GRM1: variants seen among roughly 807,000 people sequenced by gnomAD.
GRM1 encodes the protein glutamate metabotropic receptor 1.
GRM1 carries 33 observed loss-of-function variants against 90.9 expected under a neutral mutation model. The observed-to-expected ratio is 0.36, with a 90% CI of 0.28 to 0.49. GRM1 has a LOEUF of 0.49. GRM1 is among the 20% of genes least tolerant of loss of function. The pLI is 0.99. For synonymous variants in GRM1, 700 were observed against 613.2 expected (o/e 1.14, Z -2.09); for missense variants, 1,190 against 1,534.3 (o/e 0.78, Z 3.75).
intron 7 of GRM1, among the ~76,000 whole-genome samples, chr6:146,423,464 T>TA (rs1174288204): frequency 1.0e-4 from 11 of 109,058 alleles, no homozygotes; most frequent in African/African-American, 3.8e-4. Flanking sequence ...GGAGATGCTC[T>TA]ATTTTTTTTT....
At chr6:146,063,269 A>G (rs149003134) in intron 1 of GRM1, among the ~76,000 whole-genome samples, 85 of 152,342 alleles carry the variant, frequency 5.6e-4, no homozygotes, top group African/African-American at 1.9e-3. Flanking sequence ...ATTCAAGTTA[A>G]CGGGAAAATT....
chr6:146,386,855 C>T, intron 5 of GRM1, 35 bp from the exon 6 acceptor site: 1 of 1,570,450 alleles, frequency 6.4e-7, no homozygotes, highest in Non-Finnish European at 8.8e-7. Context: ...TCTGGGAAAA[C>T]TATCTTTAAA....
chr6:146,371,402 T>C (rs1444340311), intron 5 of GRM1, among the ~76,000 whole-genome samples: 2 of 152,112 alleles, frequency 1.3e-5, no homozygotes, highest in Non-Finnish European at 2.9e-5. Flanking sequence ...AGGCATACAA[T>C]GTACAATGAG....
chr6:146,343,212 C>A (rs1239557595), intron 3 of GRM1, among the ~76,000 whole-genome samples: 1 of 152,076 alleles, frequency 6.6e-6, no homozygotes, highest in Non-Finnish European at 1.5e-5. Flanking sequence ...AAAGAAAAAG[C>A]GACATTCTCA....
At chr6:146,047,658 C>T (rs1177420873) in intron 1 of GRM1, among the ~76,000 whole-genome samples, 1 of 151,790 alleles carries the variant, frequency 6.6e-6, no homozygotes, top group Admixed American at 6.6e-5. Context: ...GCTGCTGTCC[C>T]CTCTAGCATC....
intron 2 of GRM1, among the ~76,000 whole-genome samples, chr6:146,234,857 C>G (rs1278685854): frequency 6.6e-6 from 1 of 152,108 alleles, no homozygotes; most frequent in East Asian, 1.9e-4. Context: ...ATTCTCATGC[C>G]TCAGCCTCCC....
chr6:146,335,664 C>A (rs1784748212), intron 3 of GRM1, among the ~76,000 whole-genome samples: 1 of 152,042 alleles, frequency 6.6e-6, no homozygotes, highest in Non-Finnish European at 1.5e-5. Flanking sequence ...TTTCCCAGGG[C>A]CCCCAAAATG....
chr6:146,356,057 C>T (rs796521696), intron 4 of GRM1, among the ~76,000 whole-genome samples: 13 of 152,236 alleles, frequency 8.5e-5, no homozygotes, highest in African/African-American at 3.1e-4. Flanking sequence ...GAGTGAATAG[C>T]AACATGGAAA....
At chr6:146,386,239 G>T (rs890290787) in intron 5 of GRM1, among the ~76,000 whole-genome samples, 4 of 152,114 alleles carry the variant, frequency 2.6e-5, no homozygotes, top group South Asian at 2.1e-4. Flanking sequence ...GAAAATGGGG[G>T]AAAGTTTAAA....
intron 1 of GRM1, among the ~76,000 whole-genome samples, chr6:146,035,664 A>C (rs1365292244): frequency 6.6e-6 from 1 of 151,938 alleles, no homozygotes; most frequent in Non-Finnish European, 1.5e-5. Flanking sequence ...GTGAACATAA[A>C]TTTTTACCTT....
intron 2 of GRM1, among the ~76,000 whole-genome samples, chr6:146,279,393 A>G (rs916567668): frequency 4.6e-5 from 7 of 152,148 alleles, no homozygotes; most frequent in Non-Finnish European, 8.8e-5. Flanking sequence ...CTAGGTTACT[A>G]AAGTTGAAAC....
At chr6:146,148,087 A>T (rs1201973698) in intron 1 of GRM1, among the ~76,000 whole-genome samples, 2 of 152,092 alleles carry the variant, frequency 1.3e-5, no homozygotes, top group Non-Finnish European at 2.9e-5. Context: ...AGTATTTCTT[A>T]TTTCCTTTGG....
chr6:146,373,104 A>C (rs772229065), intron 5 of GRM1, among the ~76,000 whole-genome samples: 14 of 152,050 alleles, frequency 9.2e-5, no homozygotes, highest in Admixed American at 3.3e-4. Context: ...TTAACATAAA[A>C]ATTTTTCAAT....
intron 2 of GRM1, among the ~76,000 whole-genome samples, chr6:146,205,319 T>C (rs17075741): frequency 0.019 from 2,933 of 152,274 alleles, 39 homozygotes; most frequent in Admixed American, 0.028. Flanking sequence ...AAAGATAATG[T>C]TCATTTTATG....
intron 2 of GRM1, among the ~76,000 whole-genome samples, chr6:146,172,640 A>G (rs891980097): frequency 2.0e-5 from 3 of 152,162 alleles, no homozygotes; most frequent in Admixed American, 2.0e-4. Context: ...TCTTAAAGCT[A>G]TATGAGGTGA....
intron 1 of GRM1, among the ~76,000 whole-genome samples, chr6:146,100,892 G>T (rs1777027395): frequency 6.6e-6 from 1 of 152,188 alleles, no homozygotes; most frequent in South Asian, 2.1e-4. Flanking sequence ...GAGGCCAGGA[G>T]TTCAAGACTA....
chr6:146,419,277 A>ACTT (rs1396376213), intron 7 of GRM1, among the ~76,000 whole-genome samples: 1 of 152,180 alleles, frequency 6.6e-6, no homozygotes, highest in Non-Finnish European at 1.5e-5. Context: ...TTCTGATGAG[A>ACTT]CTTTTGTTTT....
At chr6:146,097,656 G>C (rs1168275875) in intron 1 of GRM1, among the ~76,000 whole-genome samples, 1 of 152,154 alleles carries the variant, frequency 6.6e-6, no homozygotes, top group African/African-American at 2.4e-5. Context: ...CAAAATGAAT[G>C]CTCCAGCTTC....
At chr6:146,268,560 T>C (rs7760465) in intron 2 of GRM1, among the ~76,000 whole-genome samples, 2,808 of 152,286 alleles carry the variant, frequency 0.018, 80 homozygotes, top group African/African-American at 0.062. Flanking sequence ...TAAGTGTCTG[T>C]TGAATAATGA....
Sources: gnomAD v4.1 joint callset for allele counts (sites outside exome capture counted in the v4.1 genomes callset) on GRCh38, gnomAD v4.1.1 for gene constraint, MANE v1.5 for transcripts, NCBI Gene and HGNC (gene_info 2026-07-23, HGNC 2026-07-21) for gene names.